The following ANKRD36 variants were observed in gnomAD, a reference collection of about 807,000 sequenced individuals.
The protein encoded by ANKRD36 is ankyrin repeat domain-containing protein 36A.
A neutral mutation model predicts 278.1 loss-of-function variants in ANKRD36; 179 were observed. The observed-to-expected ratio is 0.64, with a 90% CI of 0.57 to 0.73. ANKRD36 has a LOEUF of 0.73. ANKRD36 is among the 30% of genes least tolerant of loss of function. The pLI is 0.00. For missense variants in ANKRD36, 1,159 were observed against 1,956.7 expected (o/e 0.59, Z 7.69); for synonymous variants, 320 against 641.1 (o/e 0.50, Z 7.57).
At chr2:97,139,593 C>T (rs928440629) in intron 6 of ANKRD36, among the ~76,000 whole-genome samples, 1 of 151,956 alleles carries the variant, frequency 6.6e-6, no homozygotes, top group African/African-American at 2.4e-5. Flanking sequence ...ACCATATGGA[C>T]ATAAATATGG....
At chr2:97,180,072 T>C (rs1484937377) in intron 24 of ANKRD36, 139 bp downstream of exon 24, 1 of 1,288,198 alleles carries the variant, frequency 7.8e-7, no homozygotes, top group Non-Finnish European at 1.1e-6. Flanking sequence ...TTGTAGTGAG[T>C]TCTCAGGTGA....
chr2:97,168,542 G>A (rs1308300735), intron 22 of ANKRD36, among the ~76,000 whole-genome samples: 1 of 152,184 alleles, frequency 6.6e-6, no homozygotes. Flanking sequence ...GTGCCATGGT[G>A]GTTTACTGTG....
At chr2:97,199,012 G>A (rs1476882105) in intron 44 of ANKRD36, among the ~76,000 whole-genome samples, 17 of 151,664 alleles carry the variant, frequency 1.1e-4, no homozygotes, top group Non-Finnish European at 2.4e-4. Context: ...ACTTCAGCTC[G>A]CACTGCCAAG....
rs575163519 is a variant in ANKRD36 at position 97,122,791 on chromosome 2, A to G, written c.487-96A>G. ...ACCTCTTATGACCTTTCAATTGTAT[A>G]TATTGAAGCTCACAGGATCTTACTT... On this transcript the variant is annotated intron_variant, in intron 3 of 75. Coordinates refer to ENST00000420699, the MANE Select transcript of ANKRD36 (RefSeq NM_001354587.1). The G allele has an allele frequency of 6.1e-6, 7 of 1,142,596 alleles. No individual in the cohort carries two copies. The South Asian group carries it at 8.8e-5, about 14-fold the overall frequency. The allele number at this position is 1,142,596 out of a possible 1,614,324, so 70.8% of individuals were successfully genotyped here. A position where few individuals can be genotyped will look rare whatever the true frequency, so the allele number is the denominator to read the frequency against.
chr2:97,192,935 G>A, intron 37 of ANKRD36, 46 bp from the exon 38 acceptor site: 2 of 1,596,092 alleles, frequency 1.3e-6, no homozygotes, highest in Non-Finnish European at 1.7e-6. Flanking sequence ...TATGGTCTAT[G>A]AAACATACTT....
At position 97,145,471 on chromosome 2, in the gene ANKRD36, C is replaced by G. The variant is rs1280680128; in HGVS notation, c.1003+759C>G. On this transcript the variant is annotated intron_variant, in intron 10 of 75. Transcript: ENST00000420699. ...TACATTGGCTTTGTTGTTCAGAGAG[C>G]TAACTTTTGGACAAAATAGCAATTT... Among the ~76,000 whole-genome samples the G allele has an allele frequency of 5.9e-5, 9 of 151,936 alleles. 1 individual carries two copies. The highest frequency in any genetic ancestry group is 8.8e-5 in the Non-Finnish European group (6 of 67,980).
rs1262998506 is a variant in ANKRD36, at chr2:97,233,954, TA to T, written c.4093+84del. 744 of 622,890 alleles carry T rather than the reference TA, an allele frequency of 1.2e-3. 1 individual carries two copies. The highest frequency in any genetic ancestry group is 5.4e-3 in the Middle Eastern group (12 of 2,214). 38.6% of individuals were successfully genotyped at this position (622,890 alleles called of 1,614,324 possible). A position where few individuals can be genotyped will look rare whatever the true frequency, so the allele number is the denominator to read the frequency against. On this transcript the variant is annotated intron_variant, in intron 68 of 75. Transcript: ENST00000420699. Reference sequence around the variant, plus strand: ...CATTGCTTAACACTGTACCATAGAGTACTGATATGTTACAAGAATGTTCATC... The same window carrying T: ...CATTGCTTAACACTGTACCATAGAGTCTGATATGTTACAAGAATGTTCATC...
intron 67 of ANKRD36, among the ~76,000 whole-genome samples, chr2:97,225,785 C>A (rs1299906898): frequency 6.7e-6 from 1 of 149,566 alleles, no homozygotes; most frequent in Non-Finnish European, 1.5e-5. Context: ...CTCCCCCAAC[C>A]CCACAACAGT....
chr2:97,183,345 A>C, intron 26 of ANKRD36, 114 bp from the exon 27 acceptor site: 2 of 1,294,426 alleles, frequency 1.5e-6, no homozygotes, highest in Non-Finnish European at 2.1e-6. Flanking sequence ...TAAAACATCA[A>C]ATCCTACACT....
chr2:97,173,433 A>G (rs1429181271), intron 22 of ANKRD36, among the ~76,000 whole-genome samples: 3 of 151,776 alleles, frequency 2.0e-5, no homozygotes, highest in Non-Finnish European at 2.9e-5. Flanking sequence ...AAGAGTGTCT[A>G]TGGGAGAGAG....
At chr2:97,165,331 C>T (rs565930612) in intron 20 of ANKRD36, among the ~76,000 whole-genome samples, 83 of 152,066 alleles carry the variant, frequency 5.5e-4, no homozygotes, top group African/African-American at 1.9e-3. Context: ...GACTGCACCA[C>T]ATATTTGATT....
intron 4 of ANKRD36, among the ~76,000 whole-genome samples, chr2:97,123,664 A>G (rs2153415427): frequency 8.1e-6 from 1 of 122,938 alleles, no homozygotes; most frequent in African/African-American, 2.6e-5. Flanking sequence ...CTAACAGAGC[A>G]AGGTGCTGAT....
chr2:97,206,426 G>C (rs1435348866), intron 52 of ANKRD36, among the ~76,000 whole-genome samples: 1 of 151,422 alleles, frequency 6.6e-6, no homozygotes, highest in Non-Finnish European at 1.5e-5. Context: ...TAATCCTCCA[G>C]CTTGTTTTCA....
At chr2:97,200,952 A>T (rs2061214069) in intron 46 of ANKRD36, among the ~76,000 whole-genome samples, 1 of 151,872 alleles carries the variant, frequency 6.6e-6, no homozygotes, top group African/African-American at 2.4e-5. Flanking sequence ...AAGACCCCTG[A>T]TGTAGCAATT....
chr2:97,201,508 A>T (rs1470527234), intron 46 of ANKRD36, among the ~76,000 whole-genome samples: 1 of 151,930 alleles, frequency 6.6e-6, no homozygotes, highest in African/African-American at 2.4e-5. Context: ...AATTGATGAT[A>T]TTTTTATTGA....
intron 22 of ANKRD36, among the ~76,000 whole-genome samples, chr2:97,178,847 A>G (rs561981670): frequency 1.3e-5 from 2 of 151,788 alleles, no homozygotes; most frequent in South Asian, 4.2e-4. Context: ...GCAACTTAAT[A>G]AAAATTCTCT....
At chr2:97,144,120 A>G (rs976974322) in intron 8 of ANKRD36, among the ~76,000 whole-genome samples, 5 of 152,160 alleles carry the variant, frequency 3.3e-5, no homozygotes. Context: ...TAATGGTATA[A>G]ATCCCTCTGA....
Position 97,144,669 on chromosome 2 carries a change from G to T in ANKRD36, c.960G>T (p.Ser320=). 8 of 1,543,504 alleles carry T rather than the reference G, an allele frequency of 5.2e-6. No homozygotes were observed. The highest frequency in any genetic ancestry group is 7.0e-6 in the Non-Finnish European group (8 of 1,146,606). ...KDTSDKDDSV[S]NTATEIKDEQ... ...CAAGTGACAAGGATGATTCTGTTTC[G>T]AACACAGCCACAGAAATAAAAGATG... The change falls in exon 10 of 76, where the codon TCG becomes TCT. Residue 320 remains serine (S), a synonymous_variant. Transcript: ENST00000420699.
At position 97,189,295 on chromosome 2, in the gene ANKRD36, T is replaced by C. The variant is rs762097740; in HGVS notation, c.2245+5T>C. ...ATGGAGAAAAATCTGGGACAGGTAA[T>C]TTTGCAAAACACATTCAATGTCATG... is the stretch of plus-strand genomic sequence containing the variant. On this transcript the variant is annotated splice_donor_5th_base_variant and intron_variant, in intron 34 of 75. Transcript: ENST00000420699. 15 of 753,688 alleles carry C rather than the reference T, an allele frequency of 2.0e-5. 6 individuals are homozygous for C. The Admixed American group carries it at 3.0e-4, about 15-fold the overall frequency. 46.7% of individuals were successfully genotyped at this position (753,688 alleles called of 1,614,324 possible). A position where few individuals can be genotyped will look rare whatever the true frequency, so the allele number is the denominator to read the frequency against.
Sources: gnomAD v4.1 joint callset for allele counts (sites outside exome capture counted in the v4.1 genomes callset) on GRCh38, gnomAD v4.1.1 for gene constraint, MANE v1.5 for transcripts, NCBI Gene and HGNC (gene_info 2026-07-23, HGNC 2026-07-21) for gene names.